Variants in XKR6 observed in about 807,000 individuals in gnomAD.
The protein encoded by XKR6 is XK related 6.
In XKR6, 22 loss-of-function variants were observed where a neutral mutation model predicts 56.7. That is an observed-to-expected ratio of 0.39 (90% confidence interval 0.28 to 0.55). The LOEUF (loss-of-function observed/expected upper bound fraction) is 0.55. XKR6 is among the 20% of genes least tolerant of loss of function. The probability of loss-of-function intolerance (pLI) is 0.66; values close to 1 mark genes in which losing one functional copy is unlikely to be tolerated. For synonymous variants in XKR6, 524 were observed against 387.8 expected (o/e 1.35, Z -4.13); for missense variants, 852 against 889.0 (o/e 0.96, Z 0.53).
In XKR6 at chr8:10,947,114, C is replaced by T. The variant is rs181739692; in HGVS notation, c.765-22284G>A. On this transcript the variant is annotated intron_variant, in intron 1 of 2. Transcript: ENST00000416569. ...CTGCAGCTAAGGAGACGGGTTGGAG[C>T]GGAAGACACAGTAGTCCCAGTGACT... 2.4e-4 allele frequency among the ~76,000 whole-genome samples: 36 copies of T among 152,154 alleles called. No individual in the cohort carries two copies. The South Asian group carries it at 2.5e-3, about 11-fold the overall frequency.
chr8:11,044,321 T>G (rs1799355803), intron 1 of XKR6, among the ~76,000 whole-genome samples: 1 of 152,218 alleles, frequency 6.6e-6, no homozygotes, highest in Non-Finnish European at 1.5e-5. Context: ...TCCCCCTTCA[T>G]GAATATTCAT....
intron 1 of XKR6, among the ~76,000 whole-genome samples, chr8:11,114,725 ATATGTGTGTGTGTG>A (rs1271806996): frequency 1.0e-4 from 8 of 77,692 alleles, no homozygotes; most frequent in African/African-American, 4.0e-4. Flanking sequence ...CTTAGATCAC[ATATGTGTGTGTGTG>A]TGTGTGTGTG....
intron 1 of XKR6, among the ~76,000 whole-genome samples, chr8:11,120,148 C>G (rs1309682094): frequency 6.6e-6 from 1 of 152,172 alleles, no homozygotes; most frequent in Middle Eastern, 3.2e-3. Context: ...CGCTCTCTCA[C>G]CACTCCTATT....
At chr8:11,130,567 TA>T (rs1800054759) in intron 1 of XKR6, among the ~76,000 whole-genome samples, 1 of 151,308 alleles carries the variant, frequency 6.6e-6, no homozygotes, top group Non-Finnish European at 1.5e-5. Flanking sequence ...GCTAAAGGGC[TA>T]GGGGCTGCCA....
At chr8:11,181,592 T>G (rs930696579) in intron 1 of XKR6, among the ~76,000 whole-genome samples, 5 of 152,194 alleles carry the variant, frequency 3.3e-5, no homozygotes, top group African/African-American at 1.2e-4. Flanking sequence ...AAGGTTTGTT[T>G]TGTATATTTA....
At chr8:11,197,352 C>T (rs1427262123) in intron 1 of XKR6, among the ~76,000 whole-genome samples, 2 of 152,178 alleles carry the variant, frequency 1.3e-5, no homozygotes, top group Non-Finnish European at 2.9e-5. Flanking sequence ...CTAAAAGTAA[C>T]ACAAAAGCAG....
At chr8:11,193,745 C>G (rs905298862) in intron 1 of XKR6, among the ~76,000 whole-genome samples, 2 of 137,298 alleles carry the variant, frequency 1.5e-5, no homozygotes, top group Non-Finnish European at 3.1e-5. Context: ...CTGACCCCCC[C>G]CCCCCCACAA....
At chr8:11,032,127 G>A (rs970260626) in intron 1 of XKR6, among the ~76,000 whole-genome samples, 1 of 152,154 alleles carries the variant, frequency 6.6e-6, no homozygotes, top group African/African-American at 2.4e-5. Flanking sequence ...TGCCCCTCTG[G>A]GAGAATCTTG....
At chr8:11,162,758 C>A (rs544297749) in intron 1 of XKR6, among the ~76,000 whole-genome samples, 55 of 152,370 alleles carry the variant, frequency 3.6e-4, no homozygotes, top group African/African-American at 1.3e-3. Context: ...TTAAGACGGT[C>A]TGTCAGGCTG....
At chr8:10,954,486 T>G (rs1322537178) in intron 1 of XKR6, among the ~76,000 whole-genome samples, 1 of 152,234 alleles carries the variant, frequency 6.6e-6, no homozygotes, top group African/African-American at 2.4e-5. Context: ...TATTGAAATC[T>G]TTTGTCCATT....
At chr8:10,950,247 G>C (rs1801677370) in intron 1 of XKR6, among the ~76,000 whole-genome samples, 1 of 152,146 alleles carries the variant, frequency 6.6e-6, no homozygotes, top group Non-Finnish European at 1.5e-5. Context: ...TAGTGCAGGG[G>C]GCTCCTCTGT....
chr8:11,013,117 C>G (rs552983754), intron 1 of XKR6, among the ~76,000 whole-genome samples: 41 of 152,290 alleles, frequency 2.7e-4, no homozygotes, highest in African/African-American at 9.6e-4. Flanking sequence ...AGTTTCCAAG[C>G]TAACATGTAT....
At chr8:11,121,982 C>G (rs1799480552) in intron 1 of XKR6, among the ~76,000 whole-genome samples, 1 of 152,138 alleles carries the variant, frequency 6.6e-6, no homozygotes, top group South Asian at 2.1e-4. Flanking sequence ...GGGAATTGAA[C>G]AATAAGAACA....
chr8:10,903,646 C>G (rs1165499013), intron 2 of XKR6, among the ~76,000 whole-genome samples: 1 of 151,972 alleles, frequency 6.6e-6, no homozygotes, highest in East Asian at 1.9e-4. Context: ...GTGACTGGGT[C>G]CTTCTAAGGA....
intron 1 of XKR6, among the ~76,000 whole-genome samples, chr8:11,035,939 CTTTTTTTTTT>C (rs58989028): frequency 1.9e-4 from 19 of 101,630 alleles, no homozygotes; most frequent in African/African-American, 7.7e-4. Context: ...CTGTGAAAGT[CTTTTTTTTTT>C]TTTTTTTTTT....
At chr8:11,027,861 C>A (rs1339510161) in intron 1 of XKR6, among the ~76,000 whole-genome samples, 1 of 152,128 alleles carries the variant, frequency 6.6e-6, no homozygotes, top group Non-Finnish European at 1.5e-5. Flanking sequence ...CAGTTACAGC[C>A]TTTGAGGCTG....
chr8:11,193,333 G>C (rs1165409010), intron 1 of XKR6, among the ~76,000 whole-genome samples: 1 of 152,176 alleles, frequency 6.6e-6, no homozygotes, highest in African/African-American at 2.4e-5. Flanking sequence ...AGGTCAATGA[G>C]AAGAAATTTT....
At chr8:10,921,251 G>C (rs1291201719) in intron 2 of XKR6, among the ~76,000 whole-genome samples, 1 of 152,266 alleles carries the variant, frequency 6.6e-6, no homozygotes, top group African/African-American at 2.4e-5. Flanking sequence ...AGAAAGGACA[G>C]GCATAACAAG....
At chr8:11,069,701 T>A (rs539530407) in intron 1 of XKR6, among the ~76,000 whole-genome samples, 1 of 135,648 alleles carries the variant, frequency 7.4e-6, no homozygotes, top group Non-Finnish European at 1.5e-5. Flanking sequence ...GAGGGGAACA[T>A]AGGTGCAAGA....
Sources: gnomAD v4.1 joint callset for allele counts (sites outside exome capture counted in the v4.1 genomes callset) on GRCh38, gnomAD v4.1.1 for gene constraint, MANE v1.5 for transcripts, NCBI Gene and HGNC (gene_info 2026-07-23, HGNC 2026-07-21) for gene names.